MIB1: variants seen among roughly 807,000 people sequenced by gnomAD.
MIB1 encodes the protein MIB E3 ubiquitin protein ligase 1, also known as E3 ubiquitin-protein ligase MIB1.
In MIB1, 278 loss-of-function variants were observed where a neutral mutation model predicts 124.5. That is an observed-to-expected ratio of 2.23 (90% CI 2.02 to 2.47). The LOEUF (loss-of-function observed/expected upper bound fraction) is 2.47. Ranked by LOEUF, MIB1 falls within the 30% of genes most tolerant of loss-of-function variation. MIB1 has a pLI of 0.00. For synonymous variants in MIB1, 446 were observed against 429.4 expected (o/e 1.04, Z -0.48); for missense variants, 957 against 1,254.4 (o/e 0.76, Z 3.58).
chr18:21,863,178 G>C (rs1017020662), intron 20 of MIB1, among the ~76,000 whole-genome samples: 4 of 152,218 alleles, frequency 2.6e-5, no homozygotes, highest in African/African-American at 9.6e-5. Flanking sequence ...CCAGGTGGGG[G>C]TGCCTGCGAC....
chr18:21,720,879 C>T (rs1354019436), intron 1 of MIB1, among the ~76,000 whole-genome samples: 1 of 151,980 alleles, frequency 6.6e-6, no homozygotes, highest in Non-Finnish European at 1.5e-5. Context: ...TGCTTCAACA[C>T]AGGAGTTCGA....
Position 21,838,465 on chromosome 18 carries a change from C to CA in MIB1, c.1931dup (p.His644GlnfsTer6), listed in dbSNP as rs2146499834. ...CTTACATCTGGCTGCCCTTAATAAT[C>CA]ACGTAGAAGTGGCTGAACTGTTGGT... On this transcript the variant is annotated frameshift_variant, in exon 13 of 21. Coordinates refer to ENST00000261537, the MANE Select transcript of MIB1 (RefSeq NM_020774.4). LOFTEE classifies it high-confidence loss of function. 1 of 1,609,226 alleles carries CA rather than the reference C, an allele frequency of 6.2e-7. No individual in the cohort carries two copies. Among genetic ancestry groups the CA allele is most frequent in the Non-Finnish European group, 8.5e-7 (1 of 1,177,780 alleles).
At chr18:21,810,253 A>G (rs1240138620) in intron 10 of MIB1, among the ~76,000 whole-genome samples, 1 of 152,122 alleles carries the variant, frequency 6.6e-6, no homozygotes, top group South Asian at 2.1e-4. Context: ...GAAGACAGAT[A>G]ACTGGAACTA....
At chr18:21,800,084 TTTC>T (rs2041633894) in intron 9 of MIB1, 110 bp downstream of exon 9, 2 of 822,762 alleles carry the variant, frequency 2.4e-6, no homozygotes, top group South Asian at 5.3e-5. Context: ...TTATTTCTTC[TTTC>T]TTGTTTTTGT....
intron 11 of MIB1, 105 bp downstream of exon 11, chr18:21,815,918 C>T: frequency 9.9e-7 from 1 of 1,009,476 alleles, no homozygotes; most frequent in Non-Finnish European, 1.5e-6. Flanking sequence ...TCTCATATGT[C>T]ATAGTAAATG....
At chr18:21,795,462 G>A (rs903188200) in intron 7 of MIB1, among the ~76,000 whole-genome samples, 2 of 148,726 alleles carry the variant, frequency 1.3e-5, no homozygotes, top group African/African-American at 4.9e-5. Context: ...AGCAGACAAT[G>A]TAATGATAAA....
chr18:21,774,511 C>T (rs2146418818), intron 4 of MIB1, among the ~76,000 whole-genome samples: 1 of 152,294 alleles, frequency 6.6e-6, no homozygotes, highest in African/African-American at 2.4e-5. Context: ...TCACCTGAAC[C>T]ACGAGGGTCG....
chr18:21,742,850 C>A (rs115023939), intron 1 of MIB1, among the ~76,000 whole-genome samples: 2,392 of 152,262 alleles, frequency 0.016, 63 homozygotes, highest in African/African-American at 0.054. Context: ...CAGTTATTAT[C>A]AGTAGCAATA....
intron 1 of MIB1, among the ~76,000 whole-genome samples, chr18:21,753,257 C>T (rs1019294345): frequency 5.9e-5 from 9 of 152,088 alleles, no homozygotes; most frequent in African/African-American, 2.2e-4. Context: ...GGCATGATCT[C>T]GGCTCACTGC....
chr18:21,845,033 T>A (rs1361222940), intron 15 of MIB1, among the ~76,000 whole-genome samples: 2 of 151,766 alleles, frequency 1.3e-5, no homozygotes, highest in Non-Finnish European at 2.9e-5. Flanking sequence ...TTTTTTGAGA[T>A]GGAGTCTCGC....
intron 7 of MIB1, among the ~76,000 whole-genome samples, chr18:21,797,540 G>T (rs1284150853): frequency 6.6e-6 from 1 of 151,996 alleles, no homozygotes; most frequent in African/African-American, 2.4e-5. Context: ...GAAGAAGAGT[G>T]AAAACCTATG....
At chr18:21,770,516 T>C (rs1359333287) in intron 3 of MIB1, among the ~76,000 whole-genome samples, 1 of 152,150 alleles carries the variant, frequency 6.6e-6, no homozygotes, top group Non-Finnish European at 1.5e-5. Flanking sequence ...GATGGAGTCT[T>C]GCTGTGTTGC....
At chr18:21,814,505 G>A (rs1306446073) in intron 10 of MIB1, among the ~76,000 whole-genome samples, 1 of 151,926 alleles carries the variant, frequency 6.6e-6, no homozygotes, top group Non-Finnish European at 1.5e-5. Context: ...ATTTATTAAG[G>A]CCAGGAGTTA....
At chr18:21,729,035 T>G (rs1406186964) in intron 1 of MIB1, among the ~76,000 whole-genome samples, 1 of 152,182 alleles carries the variant, frequency 6.6e-6, no homozygotes, top group African/African-American at 2.4e-5. Context: ...GTGTGGTTAC[T>G]TTTATGACTC....
At chr18:21,733,609 A>G (rs955247786) in intron 1 of MIB1, among the ~76,000 whole-genome samples, 4 of 152,182 alleles carry the variant, frequency 2.6e-5, no homozygotes, top group Non-Finnish European at 4.4e-5. Flanking sequence ...GGTCCTCTTC[A>G]ATTAGGGCAT....
chr18:21,789,311 C>T lies in MIB1; in HGVS notation c.909-2063C>T, dbSNP rs186385741. The stretch of plus-strand genomic sequence containing the variant: ...TGAGTCTGTGTTTCTTGGTGGGTGT[C>T]GGTACATGACTCTCTTATAAGGACA... On this transcript the variant is annotated intron_variant, in intron 6 of 20. Transcript: ENST00000261537. 3.5e-3 allele frequency among the ~76,000 whole-genome samples: 532 copies of T among 151,940 alleles called. 4 individuals are homozygous for T. Among genetic ancestry groups the T allele is most frequent in the African/African-American group, 0.012 (509 of 41,428 alleles).
chr18:21,806,126 C>G (rs537688344), intron 10 of MIB1, among the ~76,000 whole-genome samples: 1 of 151,754 alleles, frequency 6.6e-6, no homozygotes, highest in South Asian at 2.1e-4. Flanking sequence ...TGATCTCTAA[C>G]TCCTGACCTC....
At chr18:21,751,205 CAG>C (rs769415682) in intron 1 of MIB1, among the ~76,000 whole-genome samples, 4 of 150,976 alleles carry the variant, frequency 2.6e-5, no homozygotes, top group Non-Finnish European at 4.4e-5. Context: ...CAGTCTCAAA[CAG>C]AGGGGAAAAA....
chr18:21,782,884 A>G (rs908453888), intron 6 of MIB1, among the ~76,000 whole-genome samples: 8 of 152,250 alleles, frequency 5.3e-5, no homozygotes, highest in African/African-American at 1.7e-4. Flanking sequence ...AATGTCCCCT[A>G]CTGTTAAAGA....
Sources: allele counts gnomAD v4.1 joint callset (sites outside exome capture counted in the v4.1 genomes callset), GRCh38; gene constraint gnomAD v4.1.1; transcripts MANE v1.5; gene names NCBI Gene and HGNC (gene_info 2026-07-23, HGNC 2026-07-21).